The following MYRIP variants were observed in gnomAD, a reference collection of about 807,000 sequenced individuals.
MYRIP encodes rab effector MyRIP.
Under a neutral mutation model 98.0 loss-of-function variants are expected in MYRIP, and 49 were observed. The observed-to-expected ratio is 0.50, with a 90% CI of 0.40 to 0.63. MYRIP has a LOEUF of 0.63. Ranked by LOEUF, MYRIP falls within the 30% of genes least tolerant of loss-of-function variation. MYRIP has a pLI of 0.00. For missense variants in MYRIP, 1,004 were observed against 1,058.2 expected (o/e 0.95, Z 0.71); for synonymous variants, 404 against 409.5 (o/e 0.99, Z 0.16).
chr3:40,153,068 A>G (rs1160406843), intron 4 of MYRIP, among the ~76,000 whole-genome samples: 2 of 152,044 alleles, frequency 1.3e-5, no homozygotes, highest in African/African-American at 4.8e-5. Flanking sequence ...GCAGTGAGCC[A>G]TGATTGTGCC....
intron 14 of MYRIP, 31 bp downstream of exon 14, chr3:40,250,357 A>G (rs1171087753): frequency 6.2e-7 from 1 of 1,613,188 alleles, no homozygotes; most frequent in African/African-American, 1.3e-5. Context: ...CTCTGTTGGA[A>G]TGTTACATGG....
intron 11 of MYRIP, among the ~76,000 whole-genome samples, chr3:40,228,693 G>T (rs1952561283): frequency 2.0e-5 from 3 of 152,180 alleles, no homozygotes; most frequent in Admixed American, 2.0e-4. Flanking sequence ...TCTCTCTTCT[G>T]CTCCAGGCAC....
intron 2 of MYRIP, among the ~76,000 whole-genome samples, chr3:39,929,851 G>T (rs1415305800): frequency 2.0e-5 from 3 of 151,878 alleles, no homozygotes; most frequent in Admixed American, 6.6e-5. Context: ...TTTGTGTAGG[G>T]CTTTTTCAAC....
intron 1 of MYRIP, among the ~76,000 whole-genome samples, chr3:39,868,261 G>A (rs1374221426): frequency 6.6e-6 from 1 of 152,142 alleles, no homozygotes; most frequent in Non-Finnish European, 1.5e-5. Flanking sequence ...TAGTTCTTGT[G>A]CTAGGAGCCT....
At chr3:40,044,412 GAT>G in intron 3 of MYRIP, 141 bp downstream of exon 3, 1 of 830,436 alleles carries the variant, frequency 1.2e-6, no homozygotes, top group Non-Finnish European at 1.9e-6. Flanking sequence ...GCTGAAGAGA[GAT>G]GCATGGATAA....
chr3:39,890,339 T>A (rs1001663784), intron 1 of MYRIP, among the ~76,000 whole-genome samples: 10 of 152,100 alleles, frequency 6.6e-5, no homozygotes, highest in Non-Finnish European at 1.0e-4. Flanking sequence ...AATCCTACCA[T>A]GTCATATTTT....
At chr3:39,884,678 C>A (rs757116674) in intron 1 of MYRIP, among the ~76,000 whole-genome samples, 1 of 152,034 alleles carries the variant, frequency 6.6e-6, no homozygotes, top group Non-Finnish European at 1.5e-5. Context: ...CTGCATCTTG[C>A]TTTTTGTACT....
chr3:39,924,011 A>T lies in MYRIP; in HGVS notation c.110+23085A>T, dbSNP rs183616051. On this transcript the variant is annotated intron_variant, in intron 2 of 16. Transcript: ENST00000302541. ...AGAGATATATTCTAAAACACTCTAC[A>T]TAAATCACAAGGAAATTCTAAAAAA... Among the ~76,000 whole-genome samples the T allele has an allele frequency of 2.6e-5, 4 of 152,258 alleles. No individual in the cohort carries two copies. The East Asian group carries it at 5.8e-4, about 22-fold the overall frequency.
At chr3:40,002,487 A>G (rs1482798447) in intron 2 of MYRIP, among the ~76,000 whole-genome samples, 1 of 152,052 alleles carries the variant, frequency 6.6e-6, no homozygotes, top group Non-Finnish European at 1.5e-5. Flanking sequence ...TTGAGCTGAG[A>G]TCGCACCATT....
intron 2 of MYRIP, among the ~76,000 whole-genome samples, chr3:39,994,611 G>T (rs1296459144): frequency 6.6e-6 from 1 of 152,216 alleles, no homozygotes; most frequent in Non-Finnish European, 1.5e-5. Flanking sequence ...CACCTCTGGG[G>T]GCAGGGCATA....
chr3:40,006,410 G>C (rs1251229536), intron 2 of MYRIP, among the ~76,000 whole-genome samples: 1 of 152,118 alleles, frequency 6.6e-6, no homozygotes, highest in Admixed American at 6.6e-5. Flanking sequence ...AGGCTGCTGT[G>C]GTGGTCCCCA....
intron 2 of MYRIP, among the ~76,000 whole-genome samples, chr3:39,964,446 T>A (rs535572574): frequency 6.6e-6 from 1 of 152,166 alleles, no homozygotes; most frequent in African/African-American, 2.4e-5. Context: ...TGAGAAGAAA[T>A]CACTTCTCTG....
intron 2 of MYRIP, among the ~76,000 whole-genome samples, chr3:40,003,754 G>C (rs1249468160): frequency 6.6e-6 from 1 of 152,072 alleles, no homozygotes; most frequent in Non-Finnish European, 1.5e-5. Context: ...TTTAGTATTG[G>C]GATGTTTGTA....
chr3:40,239,485 T>C (rs1478625865), intron 12 of MYRIP, among the ~76,000 whole-genome samples: 1 of 140,396 alleles, frequency 7.1e-6, no homozygotes, highest in Non-Finnish European at 1.5e-5. Context: ...ATCGCCACAC[T>C]GACTTCCACA....
At chr3:39,997,549 A>G (rs994758355) in intron 2 of MYRIP, among the ~76,000 whole-genome samples, 11 of 152,336 alleles carry the variant, frequency 7.2e-5, no homozygotes, top group East Asian at 3.9e-4. Flanking sequence ...TTAATAGCTT[A>G]CCAACCAAAA....
At chr3:40,209,323 T>C (rs1951860236) in intron 10 of MYRIP, 1 of 152,768 alleles carries the variant, frequency 6.5e-6, no homozygotes, top group Non-Finnish European at 1.5e-5. Flanking sequence ...TAATTTATTG[T>C]ATATTTGGAA....
intron 2 of MYRIP, among the ~76,000 whole-genome samples, chr3:40,034,698 T>A (rs933243281): frequency 6.6e-6 from 1 of 151,076 alleles, no homozygotes; most frequent in Admixed American, 6.6e-5. Context: ...AGAAATACCA[T>A]TTGACCCAGC....
Position 39,819,048 on chromosome 3 carries a change from C to A in MYRIP, c.-31+9132C>A, listed in dbSNP as rs1246536582. On this transcript the variant is annotated intron_variant, in intron 1 of 16. Coordinates refer to ENST00000302541, the MANE Select transcript of MYRIP (RefSeq NM_015460.4). ...TGATTGTACATAAATATATCATAAACCTCATATAAATATTTACCAGTGGGG... is the reference window on the plus strand; with the variant it reads ...TGATTGTACATAAATATATCATAAAACTCATATAAATATTTACCAGTGGGG... Among the ~76,000 whole-genome samples, 7 of 152,060 alleles carry A rather than the reference C, an allele frequency of 4.6e-5. No individual in the cohort carries two copies. The South Asian group carries it at 8.3e-4, about 18-fold the overall frequency.
At chr3:39,923,870 G>A (rs1413138922) in intron 2 of MYRIP, among the ~76,000 whole-genome samples, 1 of 152,024 alleles carries the variant, frequency 6.6e-6, no homozygotes, top group East Asian at 1.9e-4. Flanking sequence ...GAACATAAAG[G>A]AAGGTAAGTT....
Sources: allele counts gnomAD v4.1 joint callset (sites outside exome capture counted in the v4.1 genomes callset), GRCh38; gene constraint gnomAD v4.1.1; transcripts MANE v1.5; gene names NCBI Gene and HGNC (gene_info 2026-07-23, HGNC 2026-07-21).